Variants in ACER2 observed in about 807,000 individuals in gnomAD.
The protein encoded by ACER2 is alkaline ceramidase 2.
ACER2 carries 26 observed loss-of-function variants against 34.7 expected under a neutral mutation model. The ratio of observed to expected loss-of-function variants is 0.75; its 90% CI spans 0.55 to 1.04. The LOEUF (loss-of-function observed/expected upper bound fraction) is 1.04, where lower values mean the gene tolerates loss of function less well. ACER2 is among the 50% of genes least tolerant of loss of function. The pLI is 0.00. For missense variants in ACER2, 352 were observed against 340.8 expected, an observed-to-expected ratio of 1.03 and a Z score of -0.26; for synonymous variants, 138 against 132.1, an observed-to-expected ratio of 1.04 and a Z score of -0.31.
intron 4 of ACER2, among the ~76,000 whole-genome samples, chr9:19,439,827 T>G (rs2132516600): frequency 6.6e-6 from 1 of 152,018 alleles, no homozygotes; most frequent in East Asian, 1.9e-4. Context: ...ATTAGCTGAG[T>G]GTGGTGGCAG....
chr9:19,432,576 GTGTA>G (rs200014786), intron 3 of ACER2, among the ~76,000 whole-genome samples: 1 of 149,974 alleles, frequency 6.7e-6, no homozygotes, highest in Non-Finnish European at 1.5e-5. Flanking sequence ...GTGTATGTGT[GTGTA>G]TATATATGAT....
At chr9:19,423,324 T>G (rs1165319945) in intron 1 of ACER2, among the ~76,000 whole-genome samples, 8 of 152,228 alleles carry the variant, frequency 5.3e-5, no homozygotes, top group African/African-American at 1.9e-4. Flanking sequence ...TAGCTACTCC[T>G]ATGATCAAAG....
intron 3 of ACER2, among the ~76,000 whole-genome samples, chr9:19,434,416 G>T (rs1194635446): frequency 6.6e-6 from 1 of 152,266 alleles, no homozygotes; most frequent in Non-Finnish European, 1.5e-5. Context: ...GGAGGCCAAG[G>T]CAGGCAGCTG....
intron 4 of ACER2, among the ~76,000 whole-genome samples, chr9:19,442,032 C>T (rs76130707): frequency 6.6e-6 from 1 of 152,146 alleles, no homozygotes; most frequent in Non-Finnish European, 1.5e-5. Context: ...TTCTTTTAAC[C>T]AGCTTCCTGA....
At chr9:19,415,532 ATAAAAAT>A (rs1193377412) in intron 1 of ACER2, among the ~76,000 whole-genome samples, 5 of 152,024 alleles carry the variant, frequency 3.3e-5, no homozygotes, top group South Asian at 2.1e-4. Context: ...AAATAAATAA[ATAAAAAT>A]TAAAAATTAA....
At chr9:19,410,098 A>G (rs1456256362) in intron 1 of ACER2, among the ~76,000 whole-genome samples, 3 of 152,216 alleles carry the variant, frequency 2.0e-5, no homozygotes, top group Non-Finnish European at 4.4e-5. Context: ...CAAGGGAAAC[A>G]GGAACTCCTG....
chr9:19,450,117 TCA>T, intron 5 of ACER2: 1 of 831,360 alleles, frequency 1.2e-6, no homozygotes, highest in Non-Finnish European at 1.5e-6. Context: ...TCAGATGTGC[TCA>T]GTTACTTCCA....
At chr9:19,442,512 G>T (rs901159050) in intron 4 of ACER2, among the ~76,000 whole-genome samples, 2 of 152,166 alleles carry the variant, frequency 1.3e-5, no homozygotes, top group Non-Finnish European at 2.9e-5. Context: ...GCTCTACAGA[G>T]CCTCCCTCCT....
intron 1 of ACER2, among the ~76,000 whole-genome samples, chr9:19,422,113 C>T (rs1202631273): frequency 6.8e-6 from 1 of 147,496 alleles, no homozygotes; most frequent in Admixed American, 6.8e-5. Context: ...GTGAGACCAC[C>T]ATCTCTACCA....
In ACER2 at chr9:19,409,026, C is replaced by T. The variant is rs2132446196; in HGVS notation, c.-59C>T. On this transcript the variant is annotated 5_prime_UTR_variant, in exon 1 of 6. Coordinates refer to ENST00000340967, the MANE Select transcript of ACER2 (RefSeq NM_001010887.3). Reference sequence around the variant, plus strand: ...TGGCTGTCGCCGCGTTTTGCCTCCGCAGCAGCTCTGGGCTCTTCTCAGCTG... The same window carrying T: ...TGGCTGTCGCCGCGTTTTGCCTCCGTAGCAGCTCTGGGCTCTTCTCAGCTG... 1.4e-6 allele frequency: 2 copies of T among 1,408,464 alleles called. No individual in the cohort carries two copies. Among genetic ancestry groups the T allele is most frequent in the African/African-American group, 1.5e-5 (1 of 67,758 alleles). 87.2% of individuals were successfully genotyped at this position (1,408,464 alleles called of 1,614,324 possible). A position where few individuals can be genotyped will look rare whatever the true frequency, so the allele number is the denominator to read the frequency against.
At chr9:19,438,078 T>C (rs1383007898) in intron 4 of ACER2, among the ~76,000 whole-genome samples, 1 of 152,208 alleles carries the variant, frequency 6.6e-6, no homozygotes, top group Non-Finnish European at 1.5e-5. Context: ...TCCCTCAGTT[T>C]AGTGGAGCAT....
rs58790883 is a variant in ACER2, at chr9:19,444,380, T to G, written c.504-1901T>G. The stretch of plus-strand genomic sequence containing the variant: ...GCGCCCGCCACCACGCCCGACTAAT[T>G]TTTTTGTATTTTTAGTAGAGACGAG... On this transcript the variant is annotated intron_variant, in intron 4 of 5. Coordinates refer to ENST00000340967, the MANE Select transcript of ACER2 (RefSeq NM_001010887.3). 5.1e-4 allele frequency among the ~76,000 whole-genome samples: 77 copies of G among 151,854 alleles called. 4 individuals carry two copies. The East Asian group carries it at 0.015, about 30-fold the overall frequency.
At chr9:19,424,562 T>G in intron 2 of ACER2, 138 bp from the exon 3 acceptor site, 1 of 1,482,226 alleles carries the variant, frequency 6.7e-7, no homozygotes, top group South Asian at 1.5e-5. Context: ...GTGAGTTTCT[T>G]TCTTCAGTTT....
At chr9:19,442,781 G>A (rs1465417882) in intron 4 of ACER2, among the ~76,000 whole-genome samples, 2 of 151,650 alleles carry the variant, frequency 1.3e-5, no homozygotes, top group Non-Finnish European at 2.9e-5. Flanking sequence ...AAGGCAAGAG[G>A]CCTATTTATT....
chr9:19,446,265 C>G lies in ACER2; in HGVS notation c.504-16C>G, dbSNP rs1243515373. Reference sequence around the variant, plus strand: ...ACAAGGTCTGACGATGAGTGACTCTCTGGACCCCCGTGCAGGTGTGACAAC... The same window carrying G: ...ACAAGGTCTGACGATGAGTGACTCTGTGGACCCCCGTGCAGGTGTGACAAC... On this transcript the variant is annotated splice_polypyrimidine_tract_variant and intron_variant, in intron 4 of 5. Transcript: ENST00000340967. The G allele has an allele frequency of 6.2e-7, 1 of 1,614,028 alleles. No individual in the cohort carries two copies. Among genetic ancestry groups the G allele is most frequent in the Non-Finnish European group, 8.5e-7 (1 of 1,180,038 alleles).
chr9:19,439,586 G>T lies in ACER2; in HGVS notation c.503+4502G>T, dbSNP rs1182958258. 2.0e-5 allele frequency among the ~76,000 whole-genome samples: 3 copies of T among 152,254 alleles called. No homozygotes were observed. In the East Asian group the frequency reaches 5.8e-4, roughly 29 times the overall value. On this transcript the variant is annotated intron_variant, in intron 4 of 5. Coordinates refer to ENST00000340967, the MANE Select transcript of ACER2 (RefSeq NM_001010887.3). The stretch of plus-strand genomic sequence containing the variant: ...CTGTAAACACATCTGAGTCTCTACT[G>T]CCTTCTCAAACACCCAGCCTGGACT...
chr9:19,445,903 G>A (rs981314670), intron 4 of ACER2, among the ~76,000 whole-genome samples: 1 of 152,176 alleles, frequency 6.6e-6, no homozygotes, highest in Non-Finnish European at 1.5e-5. Context: ...GTGGAAAGAG[G>A]TCAGGTTTGA....
At chr9:19,424,169 G>T (rs1411384728) in intron 2 of ACER2, among the ~76,000 whole-genome samples, 193 bp downstream of exon 2, 1 of 152,140 alleles carries the variant, frequency 6.6e-6, no homozygotes, top group Non-Finnish European at 1.5e-5. Flanking sequence ...TGTCACTTGC[G>T]TGCATTTGAG....
intron 4 of ACER2, among the ~76,000 whole-genome samples, chr9:19,443,690 C>T (rs568242714): frequency 1.3e-5 from 2 of 152,224 alleles, no homozygotes; most frequent in African/African-American, 4.8e-5. Flanking sequence ...TGGAGTCTTG[C>T]TCTTGAAGCT....
Sources: allele counts gnomAD v4.1 joint callset (sites outside exome capture counted in the v4.1 genomes callset), GRCh38; gene constraint gnomAD v4.1.1; transcripts MANE v1.5; gene names NCBI Gene and HGNC (gene_info 2026-07-23, HGNC 2026-07-21).